Variants in PTPN3 observed in about 807,000 individuals in gnomAD.
PTPN3 encodes the protein tyrosine-protein phosphatase non-receptor type 3.
In PTPN3, 96 loss-of-function variants were observed where a neutral mutation model predicts 132.7. The observed-to-expected ratio is 0.72, with a 90% CI of 0.61 to 0.86. The LOEUF (loss-of-function observed/expected upper bound fraction) is 0.86, where lower values mean the gene tolerates loss of function less well. Ranked by LOEUF, PTPN3 falls within the 40% of genes least tolerant of loss-of-function variation. The pLI is 0.00. For missense variants in PTPN3, 1,125 were observed against 1,159.6 expected (o/e 0.97, Z 0.43); for synonymous variants, 398 against 429.0 (o/e 0.93, Z 0.89).
chr9:109,427,276 T>C (rs1451421144), intron 11 of PTPN3, among the ~76,000 whole-genome samples, 154 bp from the exon 12 acceptor site: 4 of 152,348 alleles, frequency 2.6e-5, no homozygotes, highest in Admixed American at 2.6e-4. Flanking sequence ...TACCGGAATA[T>C]TCAAGAGCAC....
chr9:109,521,710 T>C, the PTPN3 span, among the ~76,000 whole-genome samples: 1 of 152,256 alleles, frequency 6.6e-6, no homozygotes, highest in African/African-American at 2.4e-5. Flanking sequence ...CTGATTTAGT[T>C]GTCTTTCCCA....
At chr9:109,485,399 G>A (rs906239078) in intron 1 of PTPN3, among the ~76,000 whole-genome samples, 5 of 151,922 alleles carry the variant, frequency 3.3e-5, no homozygotes, top group Non-Finnish European at 5.9e-5. Context: ...TCCCAGCTAC[G>A]CGGGAGGCTG....
At chr9:109,441,142 T>G (rs1397176048) in intron 7 of PTPN3, among the ~76,000 whole-genome samples, 1 of 152,182 alleles carries the variant, frequency 6.6e-6, no homozygotes, top group Non-Finnish European at 1.5e-5. Context: ...CTATACTATA[T>G]GCTCCAAACT....
intron 22 of PTPN3, among the ~76,000 whole-genome samples, chr9:109,386,440 C>T (rs998670956): frequency 1.3e-5 from 2 of 152,088 alleles, no homozygotes; most frequent in Admixed American, 1.3e-4. Context: ...GAATGAGACA[C>T]GATGTGGCAC....
upstream of PTPN3, among the ~76,000 whole-genome samples, chr9:109,499,846 G>GCGCCC (rs2132140232): frequency 6.6e-6 from 1 of 152,256 alleles, no homozygotes; most frequent in African/African-American, 2.4e-5. Flanking sequence ...AGGACCGCCC[G>GCGCCC]CGCCCCGCCC....
chr9:109,409,441 A>C (rs2131755807), intron 16 of PTPN3, among the ~76,000 whole-genome samples: 1 of 152,284 alleles, frequency 6.6e-6, no homozygotes, highest in East Asian at 1.9e-4. Context: ...ATCAGAACTT[A>C]AGAAGGTGCT....
intron 11 of PTPN3, 71 bp from the exon 12 acceptor site, chr9:109,427,193 C>A: frequency 6.6e-7 from 1 of 1,512,990 alleles, no homozygotes; most frequent in South Asian, 1.2e-5. Context: ...ATTTAACCCA[C>A]ATTGGTGAAA....
intron 1 of PTPN3, among the ~76,000 whole-genome samples, chr9:109,475,138 C>T (rs1295653385): frequency 1.3e-5 from 2 of 152,054 alleles, no homozygotes; most frequent in African/African-American, 4.8e-5. Context: ...CTCCTCATCA[C>T]TAGAGGTAAT....
In PTPN3 at chr9:109,463,383, A is replaced by C. The variant is rs748202983; in HGVS notation, c.52T>G (p.Ser18Ala). The C allele has an allele frequency of 6.2e-7, 1 of 1,613,354 alleles. No homozygotes were observed. Among genetic ancestry groups the C allele is most frequent in the Non-Finnish European group, 8.5e-7 (1 of 1,179,830 alleles). The change falls in exon 2 of 26, where the codon TCG (serine) becomes GCG (alanine). Residue 18 changes from serine (S) to alanine (A), a missense_variant. Coordinates refer to ENST00000374541, the MANE Select transcript of PTPN3 (RefSeq NM_002829.4). Reference sequence around the variant, plus strand: ...CGAGTTTTCTCTTTGGGTAACTCCGAGGTGCGTATATTATTAATTCTTCCA... The same window carrying C: ...CGAGTTTTCTCTTTGGGTAACTCCGCGGTGCGTATATTATTAATTCTTCCA... ...LGGRINNIRT[S>A]ELPKEKTRSE...
At chr9:109,408,074 C>A (rs150442117) in intron 17 of PTPN3, among the ~76,000 whole-genome samples, 3 of 152,288 alleles carry the variant, frequency 2.0e-5, no homozygotes, top group African/African-American at 7.2e-5. Flanking sequence ...GTTAAAAATG[C>A]AGATTCCGGT....
intron 18 of PTPN3, 95 bp from the exon 19 acceptor site, chr9:109,404,703 G>T: frequency 7.7e-7 from 1 of 1,294,848 alleles, no homozygotes; most frequent in East Asian, 2.7e-5. Flanking sequence ...CCTGAATGCA[G>T]ATGGTTCAAA....
At chr9:109,407,762 G>A (rs758263471) in intron 17 of PTPN3, among the ~76,000 whole-genome samples, 6 of 152,080 alleles carry the variant, frequency 3.9e-5, no homozygotes, top group African/African-American at 7.2e-5. Flanking sequence ...CAGGCAGGTT[G>A]GTCTCAAACT....
chr9:109,501,139 G>A (rs772985016), upstream of PTPN3, among the ~76,000 whole-genome samples: 1 of 152,110 alleles, frequency 6.6e-6, no homozygotes, highest in Non-Finnish European at 1.5e-5. Flanking sequence ...TTCTTGTTTT[G>A]TGTATATCCA....
intron 19 of PTPN3, among the ~76,000 whole-genome samples, chr9:109,401,772 C>T (rs779516443): frequency 2.5e-4 from 38 of 152,122 alleles, no homozygotes; most frequent in Admixed American, 2.6e-4. Flanking sequence ...TACGTGATAC[C>T]CCATGAGCTT....
intron 12 of PTPN3, among the ~76,000 whole-genome samples, chr9:109,425,760 C>T (rs1266643731): frequency 6.6e-6 from 1 of 151,892 alleles, no homozygotes; most frequent in Non-Finnish European, 1.5e-5. Context: ...TGCCTGTAAT[C>T]CCAGAACTTT....
intron 6 of PTPN3, among the ~76,000 whole-genome samples, chr9:109,447,735 T>A (rs1297297127): frequency 6.6e-6 from 1 of 152,188 alleles, no homozygotes; most frequent in African/African-American, 2.4e-5. Context: ...CCATCCAGAC[T>A]GAACCGCCCC....
rs759575902 is a variant in PTPN3 at position 109,463,290 on chromosome 9, A to C, written c.138+7T>G. On this transcript the variant is annotated splice_region_variant and intron_variant, in intron 2 of 25. Coordinates refer to ENST00000374541, the MANE Select transcript of PTPN3 (RefSeq NM_002829.4). ...GGAAAAGTAAAAAAAAAAAGTAGAG[A>C]ACTTACAGTAACTTTAAAGGTCTGT... The C allele has an allele frequency of 3.9e-6, 6 of 1,558,314 alleles. No individual in the cohort carries two copies. In the South Asian group the frequency reaches 4.9e-5, roughly 13 times the overall value.
intron 2 of PTPN3, among the ~76,000 whole-genome samples, chr9:109,460,048 C>CTA (rs1845765212): frequency 6.6e-6 from 1 of 152,154 alleles, no homozygotes; most frequent in African/African-American, 2.4e-5. Context: ...CGTACCATTC[C>CTA]TATACTGCTA....
chr9:109,483,517 G>A (rs763180573), intron 1 of PTPN3, among the ~76,000 whole-genome samples: 4 of 152,188 alleles, frequency 2.6e-5, no homozygotes, highest in Non-Finnish European at 5.9e-5. Flanking sequence ...AGCTTTCCAT[G>A]TGGGGAGTGC....
Sources: gnomAD v4.1 joint callset for allele counts (sites outside exome capture counted in the v4.1 genomes callset) on GRCh38, gnomAD v4.1.1 for gene constraint, MANE v1.5 for transcripts, NCBI Gene and HGNC (gene_info 2026-07-23, HGNC 2026-07-21) for gene names.